The following FRMD6 variants were observed in gnomAD, a reference collection of about 807,000 sequenced individuals.
The protein encoded by FRMD6 is FERM domain containing 6.
A neutral mutation model predicts 73.2 loss-of-function variants in FRMD6; 37 were observed. The observed-to-expected ratio is 0.51, with a 90% confidence interval of 0.39 to 0.66. FRMD6 has a LOEUF of 0.66. Among genes scored for constraint, FRMD6 ranks in the 30% least tolerant of loss-of-function variants. The pLI is 0.00. For missense variants in FRMD6, 714 were observed against 780.5 expected, an observed-to-expected ratio of 0.91 and a Z score of 1.02; for synonymous variants, 273 against 282.2, an observed-to-expected ratio of 0.97 and a Z score of 0.33.
At position 51,497,417 on chromosome 14, in the gene FRMD6, A is replaced by G. The variant is rs1596495512; in HGVS notation, c.-210+7997A>G. Among the ~76,000 whole-genome samples, 4 of 152,122 alleles carry G rather than the reference A, an allele frequency of 2.6e-5. No individual in the cohort carries two copies. The East Asian group carries it at 5.8e-4, about 22-fold the overall frequency. Reference sequence around the variant, plus strand: ...AAACTTTATCGGTTTTCCATGTATCATATTATTATTCCCTCTATTAGACAA... The same window carrying G: ...AAACTTTATCGGTTTTCCATGTATCGTATTATTATTCCCTCTATTAGACAA... On this transcript the variant is annotated intron_variant, in intron 1 of 14. Transcript: ENST00000356218.
chr14:51,720,197 C>T lies in FRMD6; in HGVS notation c.1167C>T (p.His389=), dbSNP rs752381432. Residue 389 remains histidine, a synonymous_variant, in exon 11 of 14, where the codon CAC becomes CAT. Coordinates refer to ENST00000344768, the MANE Select transcript of FRMD6 (RefSeq NM_001267046.2). Reference sequence around the variant, plus strand: ...TGTCCCGTCATTCCACCGCCAGCCACAGCAGTTCCCACACCTCGGGCATTG... The same window carrying T: ...TGTCCCGTCATTCCACCGCCAGCCATAGCAGTTCCCACACCTCGGGCATTG... ...KRLSRHSTAS[H]SSSHTSGIEA... is the part of the protein sequence containing the mutation. 1.9e-6 allele frequency: 3 copies of T among 1,614,128 alleles called. No individual in the cohort carries two copies. The highest frequency in any genetic ancestry group is 1.1e-5 in the South Asian group (1 of 91,086).
the FRMD6 span, among the ~76,000 whole-genome samples, chr14:51,480,731 A>G: frequency 1.2e-4 from 18 of 152,224 alleles, no homozygotes; most frequent in African/African-American, 3.9e-4. Flanking sequence ...TCCTGGGTAA[A>G]ATGAAATAAT....
the FRMD6 span, among the ~76,000 whole-genome samples, chr14:51,475,186 T>C: frequency 6.6e-6 from 1 of 152,192 alleles, no homozygotes; most frequent in African/African-American, 2.4e-5. Context: ...TCCAAGCCAA[T>C]TATATTTTTC....
At chr14:51,720,836 TC>T (rs1406216733) in intron 11 of FRMD6, among the ~76,000 whole-genome samples, 1 of 152,146 alleles carries the variant, frequency 6.6e-6, no homozygotes. Flanking sequence ...CTGAAGCGCC[TC>T]CCATGTAACC....
At chr14:51,589,171 A>G (rs554995423) in intron 2 of FRMD6, among the ~76,000 whole-genome samples, 97 of 152,252 alleles carry the variant, frequency 6.4e-4, no homozygotes, top group South Asian at 5.8e-3. Context: ...TTCTTTTCCA[A>G]AAAGAGTTTT....
chr14:51,664,914 G>A (rs936304293), intron 1 of FRMD6, among the ~76,000 whole-genome samples: 13 of 152,276 alleles, frequency 8.5e-5, no homozygotes, highest in East Asian at 3.9e-4. Context: ...GAATAATTTC[G>A]CAGTGCTGGG....
At chr14:51,493,359 A>G (rs1357744808) in intron 1 of FRMD6, among the ~76,000 whole-genome samples, 1 of 152,174 alleles carries the variant, frequency 6.6e-6, no homozygotes, top group Non-Finnish European at 1.5e-5. Context: ...TAATTCCCAT[A>G]ATACATGTCG....
intron 1 of FRMD6, among the ~76,000 whole-genome samples, chr14:51,529,825 G>A (rs1023945581): frequency 2.0e-5 from 3 of 152,202 alleles, no homozygotes; most frequent in African/African-American, 7.2e-5. Flanking sequence ...CTGGAAATCA[G>A]TTAGCTATGG....
At chr14:51,509,486 C>T (rs1159116694) in intron 1 of FRMD6, among the ~76,000 whole-genome samples, 1 of 151,872 alleles carries the variant, frequency 6.6e-6, no homozygotes, top group African/African-American at 2.4e-5. Flanking sequence ...GAGATTGCGC[C>T]ACTACACTCC....
intron 1 of FRMD6, among the ~76,000 whole-genome samples, chr14:51,494,957 A>G (rs936722694): frequency 2.0e-5 from 3 of 152,116 alleles, no homozygotes; most frequent in African/African-American, 7.2e-5. Context: ...TAAGCTGAGA[A>G]TTTTCTAAAT....
chr14:51,532,776 T>G (rs993519927), intron 1 of FRMD6, among the ~76,000 whole-genome samples: 1 of 152,230 alleles, frequency 6.6e-6, no homozygotes, highest in Non-Finnish European at 1.5e-5. Flanking sequence ...TTTTTCTCTT[T>G]TTGCATTACA....
At chr14:51,568,240 G>A (rs2139566947) in intron 1 of FRMD6, among the ~76,000 whole-genome samples, 1 of 152,360 alleles carries the variant, frequency 6.6e-6, no homozygotes, top group East Asian at 1.9e-4. Context: ...CTTGTCTGCA[G>A]GAAACCTTCC....
At chr14:51,718,301 T>C (rs1897343197) in intron 10 of FRMD6, among the ~76,000 whole-genome samples, 1 of 152,174 alleles carries the variant, frequency 6.6e-6, no homozygotes, top group Non-Finnish European at 1.5e-5. Context: ...GTACTTGTCT[T>C]CTCGTGAGCA....
intron 1 of FRMD6, among the ~76,000 whole-genome samples, chr14:51,660,187 A>C (rs1486601142): frequency 6.6e-6 from 1 of 152,210 alleles, no homozygotes; most frequent in Non-Finnish European, 1.5e-5. Context: ...GTCTTTATGA[A>C]GTATTCAGGA....
intron 4 of FRMD6, 66 bp from the exon 5 acceptor site, chr14:51,702,446 G>A (rs948092059): frequency 7.9e-7 from 1 of 1,263,008 alleles, no homozygotes; most frequent in African/African-American, 1.5e-5. Flanking sequence ...TATTTTGGTT[G>A]CTTTTGAAAC....
At chr14:51,713,271 A>C (rs1897049669) in intron 9 of FRMD6, among the ~76,000 whole-genome samples, 1 of 152,152 alleles carries the variant, frequency 6.6e-6, no homozygotes, top group Admixed American at 6.6e-5. Flanking sequence ...CAGTCTGGCC[A>C]ACATGGTGAA....
chr14:51,448,840 C>T, the FRMD6 span, among the ~76,000 whole-genome samples: 18 of 152,170 alleles, frequency 1.2e-4, no homozygotes, highest in African/African-American at 2.2e-4. Context: ...TCCCCCAGCT[C>T]GTCGTGGGTA....
chr14:51,646,162 C>G (rs1892056231), intron 2 of FRMD6, among the ~76,000 whole-genome samples: 1 of 151,498 alleles, frequency 6.6e-6, no homozygotes, highest in Admixed American at 6.6e-5. Flanking sequence ...ACTAAAAATA[C>G]AGAAAATTTG....
intron 1 of FRMD6, among the ~76,000 whole-genome samples, chr14:51,667,721 A>G (rs1335655294): frequency 1.3e-5 from 2 of 152,190 alleles, no homozygotes; most frequent in Non-Finnish European, 2.9e-5. Flanking sequence ...TTTCAAGTGT[A>G]ATATTAAGGA....
Sources: allele counts gnomAD v4.1 joint callset (sites outside exome capture counted in the v4.1 genomes callset), GRCh38; gene constraint gnomAD v4.1.1; transcripts MANE v1.5; gene names NCBI Gene and HGNC (gene_info 2026-07-23, HGNC 2026-07-21).